Variants in SGMS1 observed in about 807,000 individuals in gnomAD.
The protein encoded by SGMS1 is sphingomyelin synthase 1.
A neutral mutation model predicts 46.2 loss-of-function variants in SGMS1; 13 were observed. The observed-to-expected ratio is 0.28, with a 90% CI of 0.18 to 0.45. The LOEUF (loss-of-function observed/expected upper bound fraction) is 0.45. Among genes scored for constraint, SGMS1 ranks in the 20% least tolerant of loss-of-function variants. SGMS1 has a pLI of 1.00. For synonymous variants in SGMS1, 203 were observed against 187.8 expected, an observed-to-expected ratio of 1.08 and a Z score of -0.66; for missense variants, 324 against 519.9, an observed-to-expected ratio of 0.62 and a Z score of 3.66.
intron 1 of SGMS1, among the ~76,000 whole-genome samples, chr10:50,601,377 C>T (rs974704299): frequency 2.6e-5 from 4 of 152,308 alleles, no homozygotes; most frequent in African/African-American, 9.6e-5. Flanking sequence ...AAGGAAGTCA[C>T]TTTGTACATT....
intron 6 of SGMS1, among the ~76,000 whole-genome samples, chr10:50,357,031 AACCTGCACATTGTAT>A (rs1848164657): frequency 6.6e-6 from 1 of 152,114 alleles, no homozygotes; most frequent in Non-Finnish European, 1.5e-5. Context: ...ATATGTAACA[AACCTGCACATTGTAT>A]ACCTGTACCC....
intron 2 of SGMS1, among the ~76,000 whole-genome samples, chr10:50,521,500 A>G (rs1420717395): frequency 3.9e-5 from 6 of 152,182 alleles, no homozygotes; most frequent in African/African-American, 1.4e-4. Flanking sequence ...AGTTAACCTA[A>G]TAATGTCCTT....
intron 5 of SGMS1, among the ~76,000 whole-genome samples, chr10:50,442,481 C>T (rs1588827842): frequency 6.6e-6 from 1 of 152,144 alleles, no homozygotes; most frequent in Non-Finnish European, 1.5e-5. Flanking sequence ...GAATAACGGC[C>T]TCCAGCTCCA....
At chr10:50,348,026 CT>C in intron 6 of SGMS1, among the ~76,000 whole-genome samples, 1 of 152,252 alleles carries the variant, frequency 6.6e-6, no homozygotes, top group East Asian at 1.9e-4. Flanking sequence ...TTTCCCTCCC[CT>C]TTCCCCCTAC....
intron 2 of SGMS1, among the ~76,000 whole-genome samples, chr10:50,525,923 G>A (rs978218333): frequency 3.3e-5 from 5 of 152,148 alleles, no homozygotes; most frequent in Admixed American, 1.3e-4. Context: ...TTATTAAAAC[G>A]TAGAACTCTC....
chr10:50,610,533 C>G (rs1309458877), intron 1 of SGMS1, among the ~76,000 whole-genome samples: 1 of 152,136 alleles, frequency 6.6e-6, no homozygotes, highest in African/African-American at 2.4e-5. Flanking sequence ...CACAATCCTG[C>G]CTGTTTCTAA....
At chr10:50,529,753 A>T (rs1271093065) in intron 2 of SGMS1, among the ~76,000 whole-genome samples, 1 of 152,224 alleles carries the variant, frequency 6.6e-6, no homozygotes, top group Non-Finnish European at 1.5e-5. Flanking sequence ...TTGACACAGC[A>T]GAAATAAAGA....
chr10:50,397,868 T>C (rs189709020), intron 6 of SGMS1, among the ~76,000 whole-genome samples: 1 of 152,364 alleles, frequency 6.6e-6, no homozygotes, highest in African/African-American at 2.4e-5. Flanking sequence ...AAGTAAGTTA[T>C]GTGACCTACG....
intron 2 of SGMS1, among the ~76,000 whole-genome samples, chr10:50,574,361 C>A (rs1838361750): frequency 6.6e-6 from 1 of 152,122 alleles, no homozygotes; most frequent in Non-Finnish European, 1.5e-5. Flanking sequence ...CCAAAGAAGA[C>A]ATCCAAGTAG....
intron 6 of SGMS1, among the ~76,000 whole-genome samples, chr10:50,403,898 C>A (rs1848975371): frequency 6.6e-6 from 1 of 151,668 alleles, no homozygotes; most frequent in South Asian, 2.1e-4. Context: ...ATTTCCTCAA[C>A]CCCTACCCTT....
intron 3 of SGMS1, among the ~76,000 whole-genome samples, chr10:50,497,547 C>A (rs1837625376): frequency 6.6e-6 from 1 of 152,198 alleles, no homozygotes; most frequent in African/African-American, 2.4e-5. Flanking sequence ...AATCCCAGCA[C>A]TTTGGGAGGC....
intron 6 of SGMS1, among the ~76,000 whole-genome samples, chr10:50,399,394 A>G (rs1045471496): frequency 6.6e-6 from 1 of 152,268 alleles, no homozygotes; most frequent in African/African-American, 2.4e-5. Context: ...TATAGAAAAA[A>G]TATGACAACA....
chr10:50,617,981 G>C (rs1051381785), intron 1 of SGMS1, among the ~76,000 whole-genome samples: 1 of 150,894 alleles, frequency 6.6e-6, no homozygotes, highest in African/African-American at 2.4e-5. Flanking sequence ...GTCTCCCAAA[G>C]TGCTGGCATT....
chr10:50,622,945 T>G (rs1838868409), intron 1 of SGMS1, among the ~76,000 whole-genome samples: 1 of 152,182 alleles, frequency 6.6e-6, no homozygotes, highest in Non-Finnish European at 1.5e-5. Flanking sequence ...GCAGACCCCC[T>G]CTGTCACGGA....
chr10:50,589,496 G>A (rs72803732), intron 2 of SGMS1, among the ~76,000 whole-genome samples: 679 of 152,052 alleles, frequency 4.5e-3, no homozygotes, highest in Non-Finnish European at 6.7e-3. Flanking sequence ...TTTGAGACAG[G>A]GTCTTGTCTG....
chr10:50,587,633 ATGTG>A (rs35240090), intron 2 of SGMS1, among the ~76,000 whole-genome samples: 1,465 of 138,218 alleles, frequency 0.011, 13 homozygotes, highest in African/African-American at 0.032. Context: ...CAAAATATAT[ATGTG>A]TGTGTGTGTG....
At chr10:50,360,084 C>T (rs560960379) in intron 6 of SGMS1, among the ~76,000 whole-genome samples, 11 of 152,132 alleles carry the variant, frequency 7.2e-5, no homozygotes, top group Admixed American at 5.9e-4. Flanking sequence ...TTTAAAAATA[C>T]GTGTTTCCTT....
chr10:50,507,792 A>T (rs979011538), intron 3 of SGMS1, among the ~76,000 whole-genome samples: 9 of 152,198 alleles, frequency 5.9e-5, no homozygotes, highest in African/African-American at 1.9e-4. Flanking sequence ...AGTGACAAGA[A>T]GTTCTCATGG....
intron 1 of SGMS1, among the ~76,000 whole-genome samples, chr10:50,593,615 A>G (rs17496500): frequency 0.14 from 20,887 of 151,972 alleles, 1,718 homozygotes; most frequent in Non-Finnish European, 0.19. Flanking sequence ...TTTTGAGTCA[A>G]TCATTCCTTG....
Sources: allele counts gnomAD v4.1 joint callset (sites outside exome capture counted in the v4.1 genomes callset), GRCh38; gene constraint gnomAD v4.1.1; transcripts MANE v1.5; gene names NCBI Gene and HGNC (gene_info 2026-07-23, HGNC 2026-07-21).